KCTD16: variants seen among roughly 807,000 people sequenced by gnomAD.
KCTD16 encodes potassium channel tetramerization domain containing 16, also known as BTB/POZ domain-containing protein KCTD16.
Under a neutral mutation model 33.2 loss-of-function variants are expected in KCTD16, and 13 were observed. The observed-to-expected ratio is 0.39, with a 90% CI of 0.25 to 0.62. The LOEUF (loss-of-function observed/expected upper bound fraction) is 0.62. KCTD16 is among the 20% of genes least tolerant of loss of function. The pLI, the probability that KCTD16 is intolerant of heterozygous loss-of-function variation, is 0.50. For missense variants in KCTD16, 441 were observed against 525.1 expected (o/e 0.84, Z 1.57); for synonymous variants, 197 against 195.3 (o/e 1.01, Z -0.07).
rs1473317927 is a variant in KCTD16 at position 144,482,881 on chromosome 5, A to AACTT, written c.*8769_*8772dup. 6.6e-6 allele frequency: 1 copy of AACTT among 151,694 alleles called. No homozygotes were observed. Among genetic ancestry groups the AACTT allele is most frequent in the Non-Finnish European group, 1.5e-5 (1 of 67,862 alleles). 9.4% of individuals were successfully genotyped at this position (151,694 alleles called of 1,614,324 possible). On this transcript the variant is annotated 3_prime_UTR_variant, in exon 4 of 4. Coordinates refer to ENST00000512467, the MANE Select transcript of KCTD16 (RefSeq NM_020768.4). ...AAACTTTGGAATTTTCAGTTTGGAG[A>AACTT]ACTTATTATTATTACAATTTATATT...
At chr5:144,352,141 A>T (rs972065132) in intron 3 of KCTD16, among the ~76,000 whole-genome samples, 1 of 152,216 alleles carries the variant, frequency 6.6e-6, no homozygotes, top group Non-Finnish European at 1.5e-5. Flanking sequence ...ACATCACTAT[A>T]TGCTATTTTT....
intron 3 of KCTD16, among the ~76,000 whole-genome samples, chr5:144,456,516 A>C (rs933501947): frequency 6.6e-6 from 1 of 152,088 alleles, no homozygotes; most frequent in Admixed American, 6.6e-5. Flanking sequence ...CTTAGCCTAA[A>C]CTAAACTCAT....
At chr5:144,352,712 A>T (rs775104242) in intron 3 of KCTD16, among the ~76,000 whole-genome samples, 7 of 152,240 alleles carry the variant, frequency 4.6e-5, no homozygotes, top group Non-Finnish European at 1.5e-5. Flanking sequence ...GCCACTTGTT[A>T]TGACTTCAGA....
chr5:144,386,090 A>G (rs1480655778), intron 3 of KCTD16, among the ~76,000 whole-genome samples: 2 of 152,218 alleles, frequency 1.3e-5, no homozygotes, highest in African/African-American at 4.8e-5. Flanking sequence ...AGGATATGAT[A>G]AAACAGATAC....
chr5:144,326,998 G>A (rs1040294260), intron 3 of KCTD16, among the ~76,000 whole-genome samples: 3 of 152,112 alleles, frequency 2.0e-5, no homozygotes, highest in African/African-American at 7.2e-5. Flanking sequence ...GAGTTTTGAG[G>A]AAAATTTAGC....
intron 2 of KCTD16, among the ~76,000 whole-genome samples, chr5:144,181,618 T>C (rs906528472): frequency 6.6e-5 from 10 of 152,238 alleles, no homozygotes; most frequent in African/African-American, 2.4e-4. Context: ...AAGAAGGAGA[T>C]TCTGCCATTT....
intron 3 of KCTD16, among the ~76,000 whole-genome samples, chr5:144,308,167 G>T (rs756634540): frequency 8.5e-5 from 13 of 152,300 alleles, no homozygotes; most frequent in Non-Finnish European, 1.9e-4. Context: ...GAGGCTCTCT[G>T]AAATTTTAAT....
At chr5:144,332,785 C>T (rs181577107) in intron 3 of KCTD16, among the ~76,000 whole-genome samples, 162 of 152,230 alleles carry the variant, frequency 1.1e-3, no homozygotes, top group Admixed American at 3.2e-3. Context: ...TTAGTTCTCA[C>T]GCTGCTAATA....
At position 144,312,322 on chromosome 5, in the gene KCTD16, G is replaced by A. The variant is rs527374265; in HGVS notation, c.832+104776G>A. 3.9e-5 allele frequency among the ~76,000 whole-genome samples: 6 copies of A among 152,158 alleles called. 1 individual carries two copies. The South Asian group carries it at 1.2e-3, about 32-fold the overall frequency. On this transcript the variant is annotated intron_variant, in intron 3 of 3. Coordinates refer to ENST00000512467, the MANE Select transcript of KCTD16 (RefSeq NM_020768.4). ...TAATGTCCATGAGCCTTTATCCTTG[G>A]CATTCATCACTCTGATTAAACATAT... is the stretch of plus-strand genomic sequence containing the variant.
At chr5:144,321,307 A>G (rs547808446) in intron 3 of KCTD16, among the ~76,000 whole-genome samples, 5 of 152,262 alleles carry the variant, frequency 3.3e-5, no homozygotes, top group African/African-American at 1.2e-4. Flanking sequence ...GAAATCACCT[A>G]GGGTGTTAAA....
intron 3 of KCTD16, among the ~76,000 whole-genome samples, chr5:144,417,326 A>G (rs1428893534): frequency 6.6e-6 from 1 of 152,108 alleles, no homozygotes; most frequent in Non-Finnish European, 1.5e-5. Flanking sequence ...TGGATATCAA[A>G]TGGTGCCTCA....
intron 3 of KCTD16, among the ~76,000 whole-genome samples, chr5:144,462,759 G>A (rs1561617107): frequency 6.6e-6 from 1 of 152,056 alleles, no homozygotes; most frequent in Admixed American, 6.5e-5. Flanking sequence ...CATGCCGTCT[G>A]GTCTTGAAGT....
chr5:144,177,758 A>C (rs1752537407), intron 2 of KCTD16, among the ~76,000 whole-genome samples: 1 of 152,216 alleles, frequency 6.6e-6, no homozygotes, highest in South Asian at 2.1e-4. Context: ...TTTTCAAATA[A>C]GGTCACATTC....
intron 3 of KCTD16, among the ~76,000 whole-genome samples, chr5:144,332,056 A>G (rs1752375527): frequency 6.6e-6 from 1 of 152,224 alleles, no homozygotes; most frequent in African/African-American, 2.4e-5. Flanking sequence ...AAAAGACAAC[A>G]GATTAAAGCA....
intron 2 of KCTD16, among the ~76,000 whole-genome samples, chr5:144,200,935 A>T (rs546763551): frequency 2.1e-4 from 32 of 152,296 alleles, no homozygotes; most frequent in African/African-American, 7.5e-4. Context: ...TTTTGTAGAG[A>T]CAGGGTCTTG....
At chr5:144,175,599 A>T (rs1401430403) in intron 2 of KCTD16, among the ~76,000 whole-genome samples, 1 of 152,188 alleles carries the variant, frequency 6.6e-6, no homozygotes, top group African/African-American at 2.4e-5. Context: ...ATGTTAATTG[A>T]TATTGCATAG....
chr5:144,304,518 G>C (rs1751537706), intron 3 of KCTD16, among the ~76,000 whole-genome samples: 1 of 151,974 alleles, frequency 6.6e-6, no homozygotes, highest in African/African-American at 2.4e-5. Context: ...GAAAGTATTT[G>C]GCTTAATTAC....
At chr5:144,242,080 C>T (rs916876732) in intron 3 of KCTD16, among the ~76,000 whole-genome samples, 3 of 151,590 alleles carry the variant, frequency 2.0e-5, no homozygotes, top group Non-Finnish European at 2.9e-5. Flanking sequence ...CTGAAAGAGG[C>T]TTAATTTTAT....
intron 3 of KCTD16, among the ~76,000 whole-genome samples, chr5:144,435,823 C>CTGTG (rs138524677): frequency 6.3e-5 from 9 of 143,476 alleles, no homozygotes; most frequent in Admixed American, 1.4e-4. Context: ...GTGCGCTTTC[C>CTGTG]TGTGTGTGTG....
Sources: allele counts gnomAD v4.1 joint callset (sites outside exome capture counted in the v4.1 genomes callset), GRCh38; gene constraint gnomAD v4.1.1; transcripts MANE v1.5; gene names NCBI Gene and HGNC (gene_info 2026-07-23, HGNC 2026-07-21).